Variants in KSR2 observed in about 807,000 individuals in gnomAD.
KSR2 encodes the protein kinase suppressor of ras 2.
KSR2 carries 25 observed loss-of-function variants against 107.8 expected under a neutral mutation model. That is an observed-to-expected ratio of 0.23 (90% CI 0.17 to 0.32). The LOEUF is 0.32. Among genes scored for constraint, KSR2 ranks in the 10% least tolerant of loss-of-function variants. KSR2 has a pLI of 1.00. For missense variants in KSR2, 887 were observed against 1,268.9 expected (o/e 0.70, Z 4.57); for synonymous variants, 480 against 507.0 (o/e 0.95, Z 0.71).
In KSR2 at chr12:117,592,315, T is replaced by C. The variant is rs1262651065; in HGVS notation, c.1172-9956A>G. On this transcript the variant is annotated intron_variant, in intron 5 of 19. Transcript: ENST00000339824. ...TTTTAGTAGAGATGGGGTTTCACCA[T>C]GTTGGCCAGGCTGGTCTCTAACTGC... Among the ~76,000 whole-genome samples, 7 of 152,124 alleles carry C rather than the reference T, an allele frequency of 4.6e-5. No homozygotes were observed. In the East Asian group the frequency reaches 1.2e-3, roughly 26 times the overall value.
In KSR2 at chr12:117,466,091, A is replaced by G. The variant is rs1394021332; in HGVS notation, c.*1108T>C. Reference sequence around the variant, plus strand: ...CACCAGGCTAGAGCAAAGAACGCAGAAGTGTAACAAACATCCTCCCTTTGT... The same window carrying G: ...CACCAGGCTAGAGCAAAGAACGCAGGAGTGTAACAAACATCCTCCCTTTGT... On this transcript the variant is annotated 3_prime_UTR_variant, in exon 20 of 20. Coordinates refer to ENST00000339824, the MANE Select transcript of KSR2 (RefSeq NM_173598.6). The G allele has an allele frequency of 2.0e-5, 3 of 152,262 alleles. No individual in the cohort carries two copies. Among genetic ancestry groups the G allele is most frequent in the Non-Finnish European group, 4.4e-5 (3 of 68,078 alleles). 9.4% of individuals were successfully genotyped at this position (152,262 alleles called of 1,614,324 possible).
intron 7 of KSR2, among the ~76,000 whole-genome samples, chr12:117,563,837 C>T (rs1878282465): frequency 6.6e-6 from 1 of 152,026 alleles, no homozygotes; most frequent in Admixed American, 6.5e-5. Flanking sequence ...CACCCCAATC[C>T]CCCCAAGCAC....
intron 5 of KSR2, among the ~76,000 whole-genome samples, chr12:117,637,244 C>T (rs1176277644): frequency 6.6e-6 from 1 of 152,168 alleles, no homozygotes; most frequent in Admixed American, 6.5e-5. Flanking sequence ...TCATTTGTTC[C>T]AGTAGTTCTC....
At chr12:117,824,746 A>G (rs905353782) in intron 3 of KSR2, among the ~76,000 whole-genome samples, 3 of 150,792 alleles carry the variant, frequency 2.0e-5, no homozygotes, top group African/African-American at 7.3e-5. Flanking sequence ...AGTCCCAGCT[A>G]CTCGGGAGGC....
chr12:117,818,373 G>A (rs138909717), intron 3 of KSR2, among the ~76,000 whole-genome samples: 1,808 of 152,228 alleles, frequency 0.012, 21 homozygotes, highest in Admixed American at 0.022. Flanking sequence ...AGGGCACGTT[G>A]TGTGCCCTAG....
chr12:117,905,045 G>A (rs1311754641), intron 1 of KSR2, among the ~76,000 whole-genome samples: 1 of 152,124 alleles, frequency 6.6e-6, no homozygotes, highest in East Asian at 1.9e-4. Context: ...AGCCAGGCGT[G>A]GTGGTGTGCA....
chr12:117,951,004 T>A (rs980970639), intron 1 of KSR2, among the ~76,000 whole-genome samples: 3 of 151,818 alleles, frequency 2.0e-5, no homozygotes, highest in Non-Finnish European at 4.4e-5. Context: ...AGCTCCCGGA[T>A]TCATGCCATT....
At chr12:117,901,829 A>G (rs534326503) in intron 1 of KSR2, among the ~76,000 whole-genome samples, 1 of 152,278 alleles carries the variant, frequency 6.6e-6, no homozygotes, top group Admixed American at 6.5e-5. Context: ...GCGTACAAAC[A>G]GGTTAGACAA....
intron 16 of KSR2, among the ~76,000 whole-genome samples, chr12:117,476,959 A>T (rs1871823327): frequency 1.3e-5 from 2 of 148,368 alleles, no homozygotes; most frequent in Admixed American, 1.3e-4. Context: ...ATATGTACAC[A>T]TGCACACACC....
chr12:117,662,894 G>C (rs193180184), intron 5 of KSR2, among the ~76,000 whole-genome samples: 5 of 152,332 alleles, frequency 3.3e-5, no homozygotes, highest in Admixed American at 6.5e-5. Flanking sequence ...AGATGTCCAG[G>C]ATGAATGAGT....
intron 4 of KSR2, among the ~76,000 whole-genome samples, chr12:117,736,630 C>T (rs772825244): frequency 1.3e-5 from 2 of 151,806 alleles, no homozygotes; most frequent in Admixed American, 1.3e-4. Flanking sequence ...GGCAACGTGG[C>T]GAAACCCTGT....
At chr12:117,710,953 C>T (rs1241748495) in intron 4 of KSR2, among the ~76,000 whole-genome samples, 3 of 152,194 alleles carry the variant, frequency 2.0e-5, no homozygotes, top group African/African-American at 7.2e-5. Flanking sequence ...CCATTCTCCA[C>T]TTGGCTCATG....
chr12:117,641,058 G>A (rs371534356), intron 5 of KSR2, among the ~76,000 whole-genome samples: 27 of 152,248 alleles, frequency 1.8e-4, no homozygotes, highest in African/African-American at 5.3e-4. Context: ...CAATGGAAAC[G>A]CATTCTCTCA....
chr12:117,623,338 C>A (rs147349185), intron 5 of KSR2, among the ~76,000 whole-genome samples: 5,764 of 152,170 alleles, frequency 0.038, 246 homozygotes, highest in East Asian at 0.23. Context: ...CCCATCAACT[C>A]ATCATTTACA....
At chr12:117,801,560 AG>A (rs1248249537) in intron 3 of KSR2, among the ~76,000 whole-genome samples, 8 of 152,156 alleles carry the variant, frequency 5.3e-5, no homozygotes, top group African/African-American at 1.9e-4. Context: ...TCCTAGCAGA[AG>A]GCAAAGAGAG....
At chr12:117,747,956 T>C (rs767322461) in intron 4 of KSR2, among the ~76,000 whole-genome samples, 3 of 152,224 alleles carry the variant, frequency 2.0e-5, no homozygotes, top group Admixed American at 6.5e-5. Flanking sequence ...ACTACATATG[T>C]ATCCAAAGCA....
chr12:117,837,463 T>C (rs988309181), intron 3 of KSR2, among the ~76,000 whole-genome samples: 2 of 152,074 alleles, frequency 1.3e-5, no homozygotes, highest in African/African-American at 4.8e-5. Context: ...GTGGCCCTGG[T>C]CGTATGGTGT....
At chr12:117,508,871 T>A (rs1237738250) in intron 14 of KSR2, among the ~76,000 whole-genome samples, 1 of 140,300 alleles carries the variant, frequency 7.1e-6, no homozygotes, top group African/African-American at 2.7e-5. Flanking sequence ...GGTGGGTAGA[T>A]GGATAGATGG....
At chr12:117,913,030 G>C (rs1438088010) in intron 1 of KSR2, among the ~76,000 whole-genome samples, 1 of 152,156 alleles carries the variant, frequency 6.6e-6, no homozygotes, top group Non-Finnish European at 1.5e-5. Flanking sequence ...CCAGAGGTGA[G>C]AGGCCCTACC....
Sources: gnomAD v4.1 joint callset for allele counts (sites outside exome capture counted in the v4.1 genomes callset) on GRCh38, gnomAD v4.1.1 for gene constraint, MANE v1.5 for transcripts, NCBI Gene and HGNC (gene_info 2026-07-23, HGNC 2026-07-21) for gene names.